The following DMD variants were observed in gnomAD, a reference collection of about 807,000 sequenced individuals.
The protein encoded by DMD is dystrophin.
A neutral mutation model predicts 330.1 loss-of-function variants in DMD; 63 were observed. The observed-to-expected ratio is 0.19, with a 90% CI of 0.16 to 0.24. The LOEUF (loss-of-function observed/expected upper bound fraction) is 0.24, where lower values mean the gene tolerates loss of function less well. Among genes scored for constraint, DMD ranks in the 10% least tolerant of loss-of-function variants. The pLI is 1.00. For synonymous variants in DMD, 1,223 were observed against 959.8 expected (o/e 1.27, Z -5.07); for missense variants, 3,344 against 2,684.1 (o/e 1.25, Z -5.43).
At chrX:31,512,960 C>T (rs1274816346) in intron 55 of DMD, among the ~76,000 whole-genome samples, 1 of 107,343 alleles carries the variant, frequency 9.3e-6, no homozygotes, top group African/African-American at 3.4e-5. Flanking sequence ...ATTCTTCCTA[C>T]CCATGAGCAT....
chrX:32,686,033 T>C (rs1195497590), intron 9 of DMD, among the ~76,000 whole-genome samples: 1 of 111,742 alleles, frequency 8.9e-6, no homozygotes, highest in African/African-American at 3.3e-5. Context: ...AAAAGTTTGC[T>C]AGTAGATTTG....
chrX:33,239,983 A>C (rs536834242), intron 1 of DMD, among the ~76,000 whole-genome samples: 3 of 111,454 alleles, frequency 2.7e-5, no homozygotes, highest in African/African-American at 6.5e-5. Flanking sequence ...GCAGGAAAAC[A>C]TAAGTGAATT....
chrX:31,767,211 TAAAC>T (rs1213240421), intron 51 of DMD, among the ~76,000 whole-genome samples: 7 of 111,953 alleles, frequency 6.3e-5, no homozygotes, highest in Non-Finnish European at 1.1e-4. Flanking sequence ...TGGTATTTCT[TAAAC>T]AAGTTTGTGC....
chrX:31,931,585 G>T (rs2094853851), intron 46 of DMD, among the ~76,000 whole-genome samples: 1 of 110,868 alleles, frequency 9.0e-6, no homozygotes, highest in Admixed American at 9.7e-5. Context: ...TGGCAATCCA[G>T]ATCTTCCCTA....
chrX:31,829,017 G>A (rs976663059), intron 49 of DMD, among the ~76,000 whole-genome samples: 5 of 112,038 alleles, frequency 4.5e-5, no homozygotes, highest in African/African-American at 1.6e-4. Flanking sequence ...TAAAGAAAAT[G>A]TGGTATCTAT....
At chrX:31,388,299 G>A (rs1037754007) in intron 60 of DMD, among the ~76,000 whole-genome samples, 2 of 110,429 alleles carry the variant, frequency 1.8e-5, no homozygotes, top group Admixed American at 1.9e-4. Context: ...CACCACGCCC[G>A]GCCTATCATC....
chrX:32,840,333 T>A (rs1312757563), intron 4 of DMD, among the ~76,000 whole-genome samples: 1 of 112,169 alleles, frequency 8.9e-6, no homozygotes, highest in Non-Finnish European at 1.9e-5. Context: ...AATTTTATAT[T>A]CACTTATATT....
chrX:31,231,383 AAG>A (rs2047187552), intron 63 of DMD, among the ~76,000 whole-genome samples: 1 of 111,658 alleles, frequency 9.0e-6, no homozygotes, highest in Non-Finnish European at 1.9e-5. Flanking sequence ...CTGATTAAAA[AAG>A]ACTCTTTAGG....
intron 1 of DMD, among the ~76,000 whole-genome samples, chrX:33,254,601 T>G (rs761014320): frequency 1.1e-4 from 12 of 110,558 alleles, no homozygotes; most frequent in Non-Finnish European, 2.3e-4. Flanking sequence ...ACTTTAAGAT[T>G]TATTATTTGA....
intron 44 of DMD, among the ~76,000 whole-genome samples, chrX:32,189,382 A>AC (rs1167220006): frequency 1.8e-5 from 2 of 110,185 alleles, no homozygotes; most frequent in Non-Finnish European, 1.9e-5. Flanking sequence ...AAAAAAAAAA[A>AC]AACAACTTTG....
In DMD at chrX:33,260,133, C is replaced by T. The variant is rs191629600; in HGVS notation, c.7+79126G>A. Reference sequence around the variant, plus strand: ...AGTGTGTGTTTAGTTTTGTGAGAAACTGCCAAATTGTTTTCCAAAGAGGCT... The same window carrying T: ...AGTGTGTGTTTAGTTTTGTGAGAAATTGCCAAATTGTTTTCCAAAGAGGCT... On this transcript the variant is annotated intron_variant, in intron 1 of 17. Transcript: ENST00000288447. Among the ~76,000 whole-genome samples the T allele has an allele frequency of 3.9e-4, 43 of 111,094 alleles. No homozygotes were observed. In the East Asian group the frequency reaches 0.012, roughly 32 times the overall value.
rs1193505854 is a variant in DMD at position 32,565,075 on chromosome X, A to G, written c.1992+627T>C. On this transcript the variant is annotated intron_variant, in intron 16 of 78. Coordinates refer to ENST00000357033, the MANE Select transcript of DMD (RefSeq NM_004006.3). The stretch of plus-strand genomic sequence containing the variant: ...TTAACGATACCCCATTTTAGTGACT[A>G]AATCTTTAAAAATTATTATAATAAA... 2.7e-5 allele frequency among the ~76,000 whole-genome samples: 3 copies of G among 111,567 alleles called. No individual in the cohort carries two copies. The East Asian group carries it at 8.4e-4, about 31-fold the overall frequency.
Position 31,134,132 on chromosome X carries a change from G to T in DMD, c.10984C>A (p.Gln3662Lys). 8.3e-7 allele frequency: 1 copy of T among 1,211,038 alleles called. No homozygotes were observed. Among genetic ancestry groups the T allele is most frequent in the Non-Finnish European group, 1.1e-6 (1 of 895,018 alleles). ...GAACTAGGGAAGGAGTTGTTGAGTT[G>T]CTCCATCACCTCCTCTAACCCTGTG... ...TSTGLEEVME[Q>K]LNNSFPSSRG... Residue 3662 changes from glutamine (Q) to lysine (K), a missense_variant, in exon 77 of 79, where the codon CAA (glutamine) becomes AAA (lysine). Gln to Lys is a moderately conservative substitution (Grantham distance 53). Coordinates refer to ENST00000357033, the MANE Select transcript of DMD (RefSeq NM_004006.3).
At chrX:32,862,069 T>TA (rs1336190824) in intron 2 of DMD, among the ~76,000 whole-genome samples, 1 of 111,680 alleles carries the variant, frequency 9.0e-6, no homozygotes, top group Non-Finnish European at 1.9e-5. Context: ...CCTTAGCAGA[T>TA]AAAATCAGTA....
At chrX:32,426,766 A>G (rs756134918) in intron 29 of DMD, among the ~76,000 whole-genome samples, 20 of 111,890 alleles carry the variant, frequency 1.8e-4, no homozygotes, top group Non-Finnish European at 3.2e-4. Context: ...ACCATGGAAC[A>G]CTACGCAGCC....
intron 1 of DMD, among the ~76,000 whole-genome samples, chrX:33,029,556 G>A (rs2094069783): frequency 8.9e-6 from 1 of 111,841 alleles, no homozygotes; most frequent in South Asian, 3.7e-4. Context: ...GGAAAGCCAT[G>A]TCAGCTCATA....
intron 11 of DMD, among the ~76,000 whole-genome samples, chrX:32,631,182 AAGAG>A (rs2058704229): frequency 9.0e-6 from 1 of 111,476 alleles, no homozygotes; most frequent in Admixed American, 9.5e-5. Flanking sequence ...CCCCTCAACA[AAGAG>A]AGTCTCTCTC....
intron 55 of DMD, among the ~76,000 whole-genome samples, chrX:31,560,105 T>C (rs1326085534): frequency 8.9e-6 from 1 of 112,006 alleles, no homozygotes; most frequent in Admixed American, 9.5e-5. Context: ...ACCCCTACTC[T>C]TGCATAAGTG....
chrX:31,835,412 G>A (rs941430853), intron 49 of DMD, among the ~76,000 whole-genome samples: 3 of 111,631 alleles, frequency 2.7e-5, no homozygotes, highest in Non-Finnish European at 5.6e-5. Context: ...GAACATCAAC[G>A]GAAACTCTGA....
Sources: gnomAD v4.1 joint callset for allele counts (sites outside exome capture counted in the v4.1 genomes callset) on GRCh38, gnomAD v4.1.1 for gene constraint, MANE v1.5 for transcripts, NCBI Gene and HGNC (gene_info 2026-07-23, HGNC 2026-07-21) for gene names.